ARHGEF18: variants seen among roughly 807,000 people sequenced by gnomAD.
ARHGEF18 encodes Rho/Rac guanine nucleotide exchange factor 18, also known as rho guanine nucleotide exchange factor 18.
A neutral mutation model predicts 155.7 loss-of-function variants in ARHGEF18; 93 were observed. The ratio of observed to expected loss-of-function variants is 0.60; its 90% CI spans 0.50 to 0.71. The LOEUF (loss-of-function observed/expected upper bound fraction) is 0.71. Among genes scored for constraint, ARHGEF18 ranks in the 30% least tolerant of loss-of-function variants. The pLI, the probability that ARHGEF18 is intolerant of heterozygous loss-of-function variation, is 0.00. For synonymous variants in ARHGEF18, 742 were observed against 753.1 expected, an observed-to-expected ratio of 0.99 and a Z score of 0.24; for missense variants, 1,593 against 1,816.1, an observed-to-expected ratio of 0.88 and a Z score of 2.23.
At position 7,370,364 on chromosome 19, in the gene ARHGEF18, C is replaced by T. The variant is rs959811594; in HGVS notation, c.16-2448C>T. On this transcript the variant is annotated intron_variant, in intron 2 of 28. Transcript: ENST00000668164. ...CAAAAAAATTAGCCGGGCGTGGTGGCGGGGGCCTGTAGTCCCAGCTACTCG... is the reference window on the plus strand; with the variant it reads ...CAAAAAAATTAGCCGGGCGTGGTGGTGGGGGCCTGTAGTCCCAGCTACTCG... Among the ~76,000 whole-genome samples the T allele has an allele frequency of 5.9e-5, 9 of 151,642 alleles. No homozygotes were observed. In the East Asian group the frequency reaches 1.2e-3, roughly 20 times the overall value.
Position 7,447,060 on chromosome 19 carries a change from G to A in ARHGEF18, c.1629G>A (p.Gly543=), listed in dbSNP as rs766995410. 1.5e-5 allele frequency: 25 copies of A among 1,613,152 alleles called. No individual in the cohort carries two copies. In the Admixed American group the frequency reaches 2.0e-4, roughly 13 times the overall value. ...TTTATCAGTTTTCAGGTGAAAATGG[G>A]GAGAGAATGAAAGAAAAGTACGGTG... is the stretch of plus-strand genomic sequence containing the variant. The part of the protein sequence containing the change: ...LLVQQFSGEN[G]ERMKEKYGVF... The change falls in exon 15 of 29, where the codon GGG becomes GGA. Residue 543 remains glycine (G), a synonymous_variant. Transcript: ENST00000668164.
rs1971656665 is a variant in ARHGEF18 at position 7,395,636 on chromosome 19, C to T, written c.967+12433C>T. On this transcript the variant is annotated intron_variant, in intron 10 of 28. Transcript: ENST00000668164. This position sits in a 1 kb window ranked among gnomAD's most constrained non-coding sequence, Gnocchi z 5.0. ...ATGGAACCCACCACAATACCCAGCA[C>T]CGTCGTATTTCAGGCCTCCCGGGAG... 1.3e-5 allele frequency among the ~76,000 whole-genome samples: 2 copies of T among 152,102 alleles called. No individual in the cohort carries two copies. The highest frequency in any genetic ancestry group is 4.8e-5 in the African/African-American group (2 of 41,416).
intron 10 of ARHGEF18, among the ~76,000 whole-genome samples, chr19:7,412,610 C>T (rs1042206258): frequency 6.6e-6 from 1 of 151,646 alleles, no homozygotes; most frequent in Non-Finnish European, 1.5e-5. Context: ...GGCGTGGTGG[C>T]AGGCGCCTGT....
chr19:7,389,260 C>T (rs1458620015), intron 10 of ARHGEF18, among the ~76,000 whole-genome samples: 1 of 151,782 alleles, frequency 6.6e-6, no homozygotes, highest in Non-Finnish European at 1.5e-5. Context: ...AAGCAATCCT[C>T]CCACCCTAGC....
chr19:7,456,236 C>A, intron 17 of ARHGEF18, 91 bp from the exon 18 acceptor site: 1 of 1,149,506 alleles, frequency 8.7e-7, no homozygotes, highest in Non-Finnish European at 1.3e-6. Flanking sequence ...GCTGCTTACA[C>A]CTTCCTGGGA....
In ARHGEF18 at chr19:7,444,935, C is replaced by T. The variant is rs763028418; in HGVS notation, c.1611+481C>T. Among the ~76,000 whole-genome samples, 8 of 96,024 alleles carry T rather than the reference C, an allele frequency of 8.3e-5. No individual in the cohort carries two copies. Among genetic ancestry groups the T allele is most frequent in the Non-Finnish European group, 2.5e-5 (1 of 40,148 alleles). The allele number at this position is 96,024 out of a possible 152,430, so 63.0% of individuals were successfully genotyped here. A position where few individuals can be genotyped will look rare whatever the true frequency, so the allele number is the denominator to read the frequency against. On this transcript the variant is annotated intron_variant, in intron 14 of 28. Coordinates refer to ENST00000668164, the MANE Select transcript of ARHGEF18 (RefSeq NM_001367823.1). This position sits in a 1 kb window ranked among gnomAD's most constrained non-coding sequence, Gnocchi z 4.7. ...TCACAGGCATGAGCCATTGTGCCAGCCTTTTCCTTTCAGTAATAAAACGAG... is the reference window on the plus strand; with the variant it reads ...TCACAGGCATGAGCCATTGTGCCAGTCTTTTCCTTTCAGTAATAAAACGAG...
At chr19:7,426,697 C>T (rs1473241237) in intron 10 of ARHGEF18, among the ~76,000 whole-genome samples, 2 of 152,054 alleles carry the variant, frequency 1.3e-5, no homozygotes, top group African/African-American at 2.4e-5. Flanking sequence ...GCTGAGAGAA[C>T]GTTTGCTCAG....
rs1600288896 is a variant in ARHGEF18 at position 7,396,653 on chromosome 19, T to G, written c.967+13450T>G. Among the ~76,000 whole-genome samples the G allele has an allele frequency of 2.7e-5, 4 of 150,848 alleles. No homozygotes were observed. In the South Asian group the frequency reaches 8.4e-4, roughly 32 times the overall value. ...TCACTTGAACTCGGGAGGCAGAAGT[T>G]GCAGTGAGCCGCGATCGGGCCACTG... On this transcript the variant is annotated intron_variant, in intron 10 of 28. Transcript: ENST00000668164.
chr19:7,369,966 C>A (rs1386483132), intron 2 of ARHGEF18, among the ~76,000 whole-genome samples: 1 of 151,542 alleles, frequency 6.6e-6, no homozygotes, highest in East Asian at 2.0e-4. Context: ...GGAGGCTGAG[C>A]GGGGAGGATC....
chr19:7,428,864 C>T (rs1973804732), intron 10 of ARHGEF18, among the ~76,000 whole-genome samples: 1 of 152,210 alleles, frequency 6.6e-6, no homozygotes, highest in Middle Eastern at 3.2e-3. Context: ...GCTGTGTGCT[C>T]GTGCCGCAAT....
chr19:7,430,663 G>C (rs535511739), intron 10 of ARHGEF18, among the ~76,000 whole-genome samples: 1 of 151,934 alleles, frequency 6.6e-6, no homozygotes, highest in African/African-American at 2.4e-5. Flanking sequence ...AAATTAGCTG[G>C]GCATGGTGGT....
chr19:7,374,469 G>C (rs984201940), intron 3 of ARHGEF18, among the ~76,000 whole-genome samples: 2 of 151,944 alleles, frequency 1.3e-5, no homozygotes, highest in Non-Finnish European at 2.9e-5. Context: ...CTGAGGTCAG[G>C]AGTTTAAGAC....
At position 7,367,872 on chromosome 19, in the gene ARHGEF18, ATATATATATATTTTATATATATTTTT is replaced by A. The variant is rs1254477763; in HGVS notation, c.16-4928_16-4903del. Among the ~76,000 whole-genome samples the A allele has an allele frequency of 3.4e-3, 178 of 52,194 alleles. 12 individuals are homozygous for A. The highest frequency in any genetic ancestry group is 4.6e-3 in the Non-Finnish European group (144 of 31,196). The allele number at this position is 52,194 out of a possible 152,430, so 34.2% of individuals were successfully genotyped here. A position where few individuals can be genotyped will look rare whatever the true frequency, so the allele number is the denominator to read the frequency against. On this transcript the variant is annotated intron_variant, in intron 2 of 28. Transcript: ENST00000668164. Reference sequence around the variant, plus strand: ...TATATATATACACATATATATTTTTATATATATATATTTTATATATATTTTTTATATATATATATTTTATATATATA... The same window carrying A: ...TATATATATACACATATATATTTTTATATATATATATATTTTATATATATA...
downstream of ARHGEF18, chr19:7,472,607 C>T: frequency 5.3e-6 from 1 of 190,256 alleles, no homozygotes; most frequent in East Asian, 1.3e-4. Context: ...GCTCACCTGC[C>T]CTCCGTGTCC....
At chr19:7,352,315 C>T (rs1455768778) in intron 1 of ARHGEF18, among the ~76,000 whole-genome samples, 1 of 151,360 alleles carries the variant, frequency 6.6e-6, no homozygotes, top group Non-Finnish European at 1.5e-5. Context: ...CCTCCTTGCT[C>T]CTAGGGTGTA....
In ARHGEF18 at chr19:7,419,813, CTCT is replaced by C. The variant is rs554838506; in HGVS notation, c.968-20525_968-20523del. Among the ~76,000 whole-genome samples the C allele has an allele frequency of 3.4e-3, 512 of 152,094 alleles. 1 individual carries two copies. Among genetic ancestry groups the C allele is most frequent in the African/African-American group, 0.012 (486 of 41,478 alleles). ...CCAAGCCCATGCAGGTGGCCCTTAC[CTCT>C]TCTTCATCTGTGTTTTGAATACACA... On this transcript the variant is annotated intron_variant, in intron 10 of 28. Transcript: ENST00000668164.
rs879240511 is a variant in ARHGEF18, at chr19:7,372,839, G to A, written c.43G>A (p.Glu15Lys). 10 of 1,234,378 alleles carry A rather than the reference G, an allele frequency of 8.1e-6. No homozygotes were observed. The highest frequency in any genetic ancestry group is 3.2e-5 in the East Asian group (1 of 31,722). 76.5% of individuals were successfully genotyped at this position (1,234,378 alleles called of 1,614,324 possible). A position where few individuals can be genotyped will look rare whatever the true frequency, so the allele number is the denominator to read the frequency against. Residue 15 changes from glutamate to lysine, a missense_variant, in exon 3 of 29, where the codon GAG (glutamate) becomes AAG (lysine). Transcript: ENST00000668164. ...QEDDFPRRLS[E>K]SMEDLSLDLG... ...GGATGATTTTCCCAGGCGGCTCAGC[G>A]AGAGTATGGAGGACCTCAGCCTGGA...
At chr19:7,433,030 A>G (rs920298370) in intron 10 of ARHGEF18, among the ~76,000 whole-genome samples, 5 of 151,966 alleles carry the variant, frequency 3.3e-5, no homozygotes, top group African/African-American at 9.7e-5. Flanking sequence ...GCATGGTATC[A>G]CACACCTGTA....
At chr19:7,381,128 C>T in intron 8 of ARHGEF18, 134 bp downstream of exon 8, 2 of 610,628 alleles carry the variant, frequency 3.3e-6, no homozygotes, top group Non-Finnish European at 4.7e-6. Context: ...TGGGAGCTGG[C>T]AGGAAAGGGA....
Sources: allele counts gnomAD v4.1 joint callset (sites outside exome capture counted in the v4.1 genomes callset), GRCh38; gene constraint gnomAD v4.1.1; non-coding constraint Gnocchi (gnomAD v3.1); transcripts MANE v1.5; gene names NCBI Gene and HGNC (gene_info 2026-07-23, HGNC 2026-07-21).